The following SH3RF3 variants were observed in gnomAD, a reference collection of about 807,000 sequenced individuals.
SH3RF3 encodes SH3 domain containing ring finger 3.
A neutral mutation model predicts 66.3 loss-of-function variants in SH3RF3; 29 were observed. That is an observed-to-expected ratio of 0.44 (90% CI 0.33 to 0.60). The LOEUF is 0.60. Ranked by LOEUF, SH3RF3 falls within the 20% of genes least tolerant of loss-of-function variation. The probability of loss-of-function intolerance (pLI) is 0.04; values close to 1 mark genes in which losing one functional copy is unlikely to be tolerated. For synonymous variants in SH3RF3, 583 were observed against 532.0 expected (o/e 1.10, Z -1.32); for missense variants, 1,194 against 1,190.9 (o/e 1.00, Z -0.04).
At chr2:109,268,068 A>C (rs897867215) in intron 1 of SH3RF3, among the ~76,000 whole-genome samples, 4 of 151,380 alleles carry the variant, frequency 2.6e-5, no homozygotes, top group African/African-American at 9.7e-5. Context: ...ACTGTCCCCT[A>C]ATCCCACCTG....
At chr2:109,350,203 G>C (rs1682810122) in intron 2 of SH3RF3, among the ~76,000 whole-genome samples, 1 of 152,188 alleles carries the variant, frequency 6.6e-6, no homozygotes, top group African/African-American at 2.4e-5. Flanking sequence ...AGCCGAGCAG[G>C]GGTCCATCTG....
At chr2:109,203,418 C>G (rs1164904817) in intron 1 of SH3RF3, among the ~76,000 whole-genome samples, 1 of 152,208 alleles carries the variant, frequency 6.6e-6, no homozygotes, top group African/African-American at 2.4e-5. Flanking sequence ...GAGCGCATCA[C>G]CTGTGGTCAG....
chr2:109,290,789 C>T (rs1681148184), intron 1 of SH3RF3, among the ~76,000 whole-genome samples: 1 of 152,218 alleles, frequency 6.6e-6, no homozygotes, highest in African/African-American at 2.4e-5. Flanking sequence ...AGAGCCTTTA[C>T]AACACAGCAC....
intron 1 of SH3RF3, among the ~76,000 whole-genome samples, chr2:109,326,178 G>C (rs1208277557): frequency 1.3e-5 from 2 of 152,206 alleles, no homozygotes; most frequent in African/African-American, 2.4e-5. Context: ...GAATATTACA[G>C]ATTTAGCCTC....
intron 1 of SH3RF3, among the ~76,000 whole-genome samples, chr2:109,196,075 C>T (rs568228239): frequency 3.7e-4 from 56 of 152,334 alleles, no homozygotes; most frequent in African/African-American, 1.2e-3. Context: ...CCAGAGGGAA[C>T]GCAGACCACC....
At chr2:109,382,167 G>A (rs755253368) in intron 3 of SH3RF3, among the ~76,000 whole-genome samples, 2 of 152,226 alleles carry the variant, frequency 1.3e-5, no homozygotes, top group Non-Finnish European at 2.9e-5. Flanking sequence ...TTGTTAGGGA[G>A]TTTAGCAAGA....
chr2:109,480,660 C>T (rs1316569907), intron 8 of SH3RF3, among the ~76,000 whole-genome samples: 2 of 152,118 alleles, frequency 1.3e-5, no homozygotes, highest in Non-Finnish European at 2.9e-5. Flanking sequence ...ACGAACAATG[C>T]TGTACTGGCA....
intron 3 of SH3RF3, among the ~76,000 whole-genome samples, chr2:109,396,180 G>A (rs1405214426): frequency 6.6e-6 from 1 of 152,208 alleles, no homozygotes; most frequent in Non-Finnish European, 1.5e-5. Context: ...TGGCTCCCAG[G>A]TATTTGGAGA....
At chr2:109,298,214 G>A (rs1681369563) in intron 1 of SH3RF3, among the ~76,000 whole-genome samples, 1 of 152,178 alleles carries the variant, frequency 6.6e-6, no homozygotes. Context: ...ATGCAGAGAA[G>A]GGAAGGAGAG....
intron 9 of SH3RF3, among the ~76,000 whole-genome samples, chr2:109,493,508 C>G (rs1372002660): frequency 5.9e-5 from 9 of 151,570 alleles, no homozygotes; most frequent in African/African-American, 2.2e-4. Context: ...CAAACACATA[C>G]CTCACACACA....
chr2:109,171,995 C>T (rs1329423120), intron 1 of SH3RF3, among the ~76,000 whole-genome samples: 4 of 152,218 alleles, frequency 2.6e-5, no homozygotes, highest in African/African-American at 4.8e-5. Flanking sequence ...CTGAGTCGCC[C>T]GTTTCCCAAT....
chr2:109,338,196 A>C (rs1370900020), intron 1 of SH3RF3, among the ~76,000 whole-genome samples: 2 of 152,180 alleles, frequency 1.3e-5, no homozygotes, highest in Admixed American at 6.5e-5. Context: ...CACTGTTAGG[A>C]GTAACTCATC....
At chr2:109,323,588 A>T (rs1682079526) in intron 1 of SH3RF3, among the ~76,000 whole-genome samples, 1 of 152,196 alleles carries the variant, frequency 6.6e-6, no homozygotes, top group African/African-American at 2.4e-5. Flanking sequence ...AACTCAGCTG[A>T]ATGTGCATCT....
chr2:109,143,822 A>ACG (rs1416258767), intron 1 of SH3RF3, among the ~76,000 whole-genome samples: 1 of 151,878 alleles, frequency 6.6e-6, no homozygotes, highest in Non-Finnish European at 1.5e-5. Context: ...ACACACACAC[A>ACG]CACACACACA....
Position 109,449,418 on chromosome 2 carries a change from C to A in SH3RF3, c.2077C>A (p.Pro693Thr). 1.2e-6 allele frequency: 2 copies of A among 1,613,682 alleles called. No homozygotes were observed. The part of the protein sequence containing the change: ...ANLNGEAGGG[P>T]IGVLSTSSPT... ...CCTCAACGGGGAGGCTGGAGGGGGG[C>A]CCATCGGTGTTCTGTCCACATCCAG... Residue 693 changes from proline (P) to threonine (T), a missense_variant, in exon 8 of 10, where the codon CCC becomes ACC. Coordinates refer to ENST00000309415, the MANE Select transcript of SH3RF3 (RefSeq NM_001099289.3).
chr2:109,404,952 C>G, intron 4 of SH3RF3, among the ~76,000 whole-genome samples: 1 of 151,984 alleles, frequency 6.6e-6, no homozygotes, highest in South Asian at 2.1e-4. Flanking sequence ...CAGTGGAGCC[C>G]CGTCCTGGCC....
At chr2:109,342,080 G>C (rs1682563465) in intron 1 of SH3RF3, among the ~76,000 whole-genome samples, 1 of 152,208 alleles carries the variant, frequency 6.6e-6, no homozygotes, top group Non-Finnish European at 1.5e-5. Flanking sequence ...CTGGCCACAT[G>C]CTGTGCTATA....
intron 8 of SH3RF3, among the ~76,000 whole-genome samples, chr2:109,468,636 T>C (rs1292996699): frequency 6.6e-6 from 1 of 151,826 alleles, no homozygotes; most frequent in Non-Finnish European, 1.5e-5. Flanking sequence ...GGTGGATCAT[T>C]TGAGGTCAGG....
chr2:109,468,432 CATTG>C (rs1454587757), intron 8 of SH3RF3, among the ~76,000 whole-genome samples: 1 of 152,200 alleles, frequency 6.6e-6, no homozygotes, highest in Non-Finnish European at 1.5e-5. Context: ...TGTGATCTGT[CATTG>C]ACCAAAACGT....
Sources: allele counts gnomAD v4.1 joint callset (sites outside exome capture counted in the v4.1 genomes callset), GRCh38; gene constraint gnomAD v4.1.1; transcripts MANE v1.5; gene names NCBI Gene and HGNC (gene_info 2026-07-23, HGNC 2026-07-21).